Variants in NTM observed in about 807,000 individuals in gnomAD.
NTM encodes IgLON family member 2.
Under a neutral mutation model 42.1 loss-of-function variants are expected in NTM, and 13 were observed. The observed-to-expected ratio is 0.31, with a 90% CI of 0.20 to 0.49. The LOEUF (loss-of-function observed/expected upper bound fraction) is 0.49, where lower values mean the gene tolerates loss of function less well. NTM is among the 20% of genes least tolerant of loss of function. The probability of loss-of-function intolerance (pLI) is 0.99; values close to 1 mark genes in which losing one functional copy is unlikely to be tolerated. For synonymous variants in NTM, 187 were observed against 179.2 expected, an observed-to-expected ratio of 1.04 and a Z score of -0.35; for missense variants, 373 against 452.8, an observed-to-expected ratio of 0.82 and a Z score of 1.60.
At chr11:131,598,756 TTC>T (rs1449133920) in intron 1 of NTM, among the ~76,000 whole-genome samples, 467 of 35,310 alleles carry the variant, frequency 0.013, 12 homozygotes, top group African/African-American at 0.04. Flanking sequence ...TCTTTCTTTC[TTC>T]TTTCTTTTTT....
intron 1 of NTM, among the ~76,000 whole-genome samples, chr11:131,452,994 C>A (rs998537666): frequency 6.6e-6 from 1 of 152,158 alleles, no homozygotes; most frequent in African/African-American, 2.4e-5. Context: ...GTTTCTTTTT[C>A]TCTGGGGCCA....
rs1038001462 is a variant in NTM, at chr11:131,432,409, T to C, written c.82+61521T>C. Among the ~76,000 whole-genome samples the C allele has an allele frequency of 2.6e-5, 4 of 152,298 alleles. No homozygotes were observed. The East Asian group carries it at 7.7e-4, about 29-fold the overall frequency. On this transcript the variant is annotated intron_variant, in intron 1 of 8. Transcript: ENST00000683400. ...TTCTGTGTGAGAAACTGACAGAGGA[T>C]CTTCTTTACATTGGAGGATGTTGGG...
chr11:132,082,644 T>C (rs2059230119), intron 2 of NTM, among the ~76,000 whole-genome samples: 1 of 152,076 alleles, frequency 6.6e-6, no homozygotes, highest in Non-Finnish European at 1.5e-5. Flanking sequence ...CCTCTATGAT[T>C]CCCCCATGTA....
intron 2 of NTM, among the ~76,000 whole-genome samples, chr11:131,958,229 A>T (rs1158855183): frequency 6.6e-6 from 1 of 152,170 alleles, no homozygotes; most frequent in Non-Finnish European, 1.5e-5. Flanking sequence ...CATAGAACGT[A>T]AAAGGCACTC....
intron 1 of NTM, among the ~76,000 whole-genome samples, chr11:131,446,192 G>A (rs1950042930): frequency 6.6e-6 from 1 of 152,172 alleles, no homozygotes; most frequent in Non-Finnish European, 1.5e-5. Flanking sequence ...CCCCACTTAA[G>A]TTTGGTGTTG....
chr11:131,808,534 A>G (rs999583580), intron 1 of NTM, among the ~76,000 whole-genome samples: 1 of 152,216 alleles, frequency 6.6e-6, no homozygotes, highest in African/African-American at 2.4e-5. Context: ...TTCAATCAAA[A>G]TTTAAAATGC....
intron 2 of NTM, among the ~76,000 whole-genome samples, chr11:132,082,164 G>A (rs111352088): frequency 0.015 from 2,270 of 151,962 alleles, 28 homozygotes; most frequent in Non-Finnish European, 0.022. Flanking sequence ...AGAATTGATG[G>A]TCCTGGGAAT....
intron 1 of NTM, among the ~76,000 whole-genome samples, chr11:131,836,923 C>CACA (rs1565612710): frequency 4.6e-5 from 7 of 152,110 alleles, no homozygotes; most frequent in African/African-American, 1.7e-4. Context: ...GTAACAAATC[C>CACA]ATTGTGTGAT....
intron 1 of NTM, among the ~76,000 whole-genome samples, chr11:131,724,206 G>A (rs2078692431): frequency 6.6e-6 from 1 of 152,134 alleles, no homozygotes. Context: ...GGGTGGCCAG[G>A]GCGCCTGCAC....
intron 1 of NTM, chr11:131,540,607 ATCT>A (rs775214857): frequency 2.0e-5 from 3 of 152,240 alleles, no homozygotes; most frequent in Non-Finnish European, 2.9e-5. Context: ...TATAAAAAAG[ATCT>A]TCTCCGTCCA....
intron 1 of NTM, among the ~76,000 whole-genome samples, chr11:131,672,532 G>T (rs1169372706): frequency 1.3e-5 from 2 of 152,310 alleles, no homozygotes; most frequent in Admixed American, 6.5e-5. Context: ...ATTCTCTTCG[G>T]CCTGGCCTCT....
At chr11:131,486,495 C>T (rs913144538) in intron 1 of NTM, among the ~76,000 whole-genome samples, 25 of 152,312 alleles carry the variant, frequency 1.6e-4, no homozygotes, top group African/African-American at 5.8e-4. Flanking sequence ...TCTCTCAGCT[C>T]CCTGACCTAC....
chr11:131,908,486 G>T (rs960083720), intron 1 of NTM, among the ~76,000 whole-genome samples: 3 of 152,198 alleles, frequency 2.0e-5, no homozygotes, highest in Non-Finnish European at 4.4e-5. Flanking sequence ...AATCATCCCT[G>T]CCATTCTCAG....
chr11:131,965,511 A>G (rs903542760), intron 2 of NTM, among the ~76,000 whole-genome samples: 76 of 152,326 alleles, frequency 5.0e-4, no homozygotes, highest in African/African-American at 1.8e-3. Flanking sequence ...TATTAATTGT[A>G]TTATTAAATA....
At chr11:131,910,529 C>T (rs1378671389) in intron 1 of NTM, among the ~76,000 whole-genome samples, 4 of 151,388 alleles carry the variant, frequency 2.6e-5, no homozygotes, top group Non-Finnish European at 4.4e-5. Context: ...CCCGCCCGCT[C>T]GCTCCGAGGC....
chr11:132,236,789 A>G (rs1013427950), intron 4 of NTM, among the ~76,000 whole-genome samples: 1 of 152,210 alleles, frequency 6.6e-6, no homozygotes, highest in Non-Finnish European at 1.5e-5. Flanking sequence ...ATCTCCCGGC[A>G]TGGAGAATGG....
At chr11:132,251,720 C>T (rs1472931127) in intron 4 of NTM, among the ~76,000 whole-genome samples, 2 of 152,202 alleles carry the variant, frequency 1.3e-5, no homozygotes, top group Non-Finnish European at 2.9e-5. Flanking sequence ...TATTCCAAAG[C>T]TCAAAATGAT....
chr11:131,758,336 T>G (rs1435203176), intron 1 of NTM, among the ~76,000 whole-genome samples: 1 of 151,992 alleles, frequency 6.6e-6, no homozygotes. Flanking sequence ...CATATTTCAT[T>G]TCTGGCAAAT....
intron 2 of NTM, among the ~76,000 whole-genome samples, chr11:131,922,777 G>C (rs543950112): frequency 6.6e-6 from 1 of 151,462 alleles, no homozygotes; most frequent in African/African-American, 2.4e-5. Context: ...ACCTGACTCT[G>C]TTCAAAACCT....
Sources: allele counts gnomAD v4.1 joint callset (sites outside exome capture counted in the v4.1 genomes callset), GRCh38; gene constraint gnomAD v4.1.1; transcripts MANE v1.5; gene names NCBI Gene and HGNC (gene_info 2026-07-23, HGNC 2026-07-21).